Variants in FIGN observed in about 807,000 individuals in gnomAD.
FIGN encodes the protein fidgetin, microtubule severing factor.
Under a neutral mutation model 51.3 loss-of-function variants are expected in FIGN, and 11 were observed. The ratio of observed to expected loss-of-function variants is 0.21; its 90% CI spans 0.13 to 0.35. The LOEUF (loss-of-function observed/expected upper bound fraction) is 0.35. Among genes scored for constraint, FIGN ranks in the 10% least tolerant of loss-of-function variants. The pLI is 1.00. For synonymous variants in FIGN, 407 were observed against 363.2 expected, an observed-to-expected ratio of 1.12 and a Z score of -1.37; for missense variants, 857 against 943.6, an observed-to-expected ratio of 0.91 and a Z score of 1.20.
chr2:163,670,753 T>C (rs1683862703), intron 2 of FIGN, among the ~76,000 whole-genome samples: 1 of 152,204 alleles, frequency 6.6e-6, no homozygotes, highest in African/African-American at 2.4e-5. Flanking sequence ...ATATTTATTT[T>C]GTAATGAATG....
intron 2 of FIGN, among the ~76,000 whole-genome samples, chr2:163,652,504 T>G (rs1034152522): frequency 8.5e-5 from 13 of 152,104 alleles, no homozygotes; most frequent in African/African-American, 3.1e-4. Flanking sequence ...ATAAACTGAC[T>G]GCTCTGAAGA....
At position 163,606,835 on chromosome 2, in the gene FIGN, C is replaced by A. The variant is rs906097439; in HGVS notation, c.*2717G>T. The A allele has an allele frequency of 1.3e-5, 2 of 152,186 alleles. No homozygotes were observed. The highest frequency in any genetic ancestry group is 2.9e-5 in the Non-Finnish European group (2 of 68,034). 9.4% of individuals were successfully genotyped at this position (152,186 alleles called of 1,614,324 possible). On this transcript the variant is annotated 3_prime_UTR_variant, in exon 3 of 3. Coordinates refer to ENST00000333129, the MANE Select transcript of FIGN (RefSeq NM_018086.4). The stretch of plus-strand genomic sequence containing the variant: ...GAGGCTAAATGAAAATCACATACGA[C>A]TTCAGCTTCTGTCTAAATACATGGA...
chr2:163,615,026 A>G (rs1682848057), intron 2 of FIGN, among the ~76,000 whole-genome samples: 2 of 152,132 alleles, frequency 1.3e-5, no homozygotes, highest in African/African-American at 2.4e-5. Flanking sequence ...TAAATTTCGT[A>G]AGATTTCTTT....
chr2:163,629,549 A>T (rs1164233859), intron 2 of FIGN, among the ~76,000 whole-genome samples: 5 of 152,064 alleles, frequency 3.3e-5, no homozygotes, highest in Non-Finnish European at 5.9e-5. Flanking sequence ...TATGGGGGAA[A>T]ATCTGATCAT....
chr2:163,666,382 A>T (rs1429182299), intron 2 of FIGN, among the ~76,000 whole-genome samples: 1 of 152,190 alleles, frequency 6.6e-6, no homozygotes, highest in African/African-American at 2.4e-5. Context: ...TGTCTCCTCC[A>T]ACTGTCCAAA....
At chr2:163,708,067 C>CA (rs1559028279) in intron 2 of FIGN, among the ~76,000 whole-genome samples, 2 of 151,662 alleles carry the variant, frequency 1.3e-5, no homozygotes, top group South Asian at 2.1e-4. Context: ...TGGGAATTCT[C>CA]AAAAAAAATT....
chr2:163,611,916 A>AC, intron 2 of FIGN, 110 bp from the exon 3 acceptor site: 2 of 527,674 alleles, frequency 3.8e-6, no homozygotes, highest in Non-Finnish European at 5.7e-6. Context: ...AATGATATGC[A>AC]TACTTTAAAA....
chr2:163,653,823 T>TA (rs1405892140), intron 2 of FIGN, among the ~76,000 whole-genome samples: 3 of 152,088 alleles, frequency 2.0e-5, no homozygotes, highest in African/African-American at 7.2e-5. Context: ...GGACTTTTTT[T>TA]AAAAAACTTT....
chr2:163,670,143 C>T (rs1318229353), intron 2 of FIGN, among the ~76,000 whole-genome samples: 2 of 152,100 alleles, frequency 1.3e-5, no homozygotes, highest in African/African-American at 4.8e-5. Context: ...GGGTACATCA[C>T]AATAACTATA....
chr2:163,712,335 T>G (rs1257895633), intron 2 of FIGN, among the ~76,000 whole-genome samples: 1 of 152,202 alleles, frequency 6.6e-6, no homozygotes, highest in Non-Finnish European at 1.5e-5. Flanking sequence ...TATGTTTCTT[T>G]TAATCTATTT....
intron 2 of FIGN, among the ~76,000 whole-genome samples, chr2:163,644,278 A>G (rs897029241): frequency 1.3e-5 from 2 of 152,192 alleles, no homozygotes; most frequent in South Asian, 4.1e-4. Flanking sequence ...ATTAATTTGA[A>G]TAGACATTTC....
At chr2:163,724,497 C>T (rs1684809248) in intron 2 of FIGN, among the ~76,000 whole-genome samples, 1 of 148,584 alleles carries the variant, frequency 6.7e-6, no homozygotes, top group Non-Finnish European at 1.5e-5. Flanking sequence ...AGGGCTTAGG[C>T]AAAAGTTTTT....
intron 2 of FIGN, among the ~76,000 whole-genome samples, chr2:163,718,669 T>G (rs1236272209): frequency 2.0e-5 from 3 of 152,218 alleles, no homozygotes; most frequent in Non-Finnish European, 2.9e-5. Context: ...ATGAACTGTA[T>G]GGGTCCTTTG....
chr2:163,610,195 G>A lies in FIGN; in HGVS notation c.1637C>T (p.Thr546Ile), dbSNP rs1232360210. Reference sequence around the variant, plus strand: ...TCCAGAACCGGCAATTTTGAAAAATGTGGCCCCCAGCTGACTAGCGATGCA... The same window carrying A: ...TCCAGAACCGGCAATTTTGAAAAATATGGCCCCCAGCTGACTAGCGATGCA... ...GRCIASQLGA[T>I]FFKIAGSGLV... Residue 546 changes from threonine to isoleucine, a missense_variant, in exon 3 of 3, where the codon ACA becomes ATA. Transcript: ENST00000333129. 1.2e-6 allele frequency: 2 copies of A among 1,614,122 alleles called. No individual in the cohort carries two copies. The highest frequency in any genetic ancestry group is 1.1e-5 in the South Asian group (1 of 91,076).
chr2:163,714,773 TCTTA>T (rs1684643349), intron 2 of FIGN, among the ~76,000 whole-genome samples: 1 of 152,226 alleles, frequency 6.6e-6, no homozygotes, highest in Non-Finnish European at 1.5e-5. Context: ...TGAAAATTAA[TCTTA>T]TACCCATTAA....
At chr2:163,725,151 A>T (rs1395499363) in intron 2 of FIGN, among the ~76,000 whole-genome samples, 1 of 152,178 alleles carries the variant, frequency 6.6e-6, no homozygotes, top group African/African-American at 2.4e-5. Flanking sequence ...TAATTAATTC[A>T]AACTACTTCT....
intron 2 of FIGN, among the ~76,000 whole-genome samples, chr2:163,662,983 T>C (rs1317820919): frequency 6.6e-6 from 1 of 152,210 alleles, no homozygotes; most frequent in Non-Finnish European, 1.5e-5. Context: ...GAACTGTAAG[T>C]CCAATTAAAC....
In FIGN at chr2:163,735,038, G is replaced by C. The variant is rs1684993499; in HGVS notation, c.-111C>G. On this transcript the variant is annotated 5_prime_UTR_variant, in exon 2 of 3. Coordinates refer to ENST00000333129, the MANE Select transcript of FIGN (RefSeq NM_018086.4). ...CTCAGCTATCAAATGTCACTGCCTT[G>C]AAACGTGGGCCCTTTCGTCAGGTAT... is the stretch of plus-strand genomic sequence containing the variant. The C allele has an allele frequency of 1.9e-6, 2 of 1,079,300 alleles. No individual in the cohort carries two copies. The highest frequency in any genetic ancestry group is 3.2e-5 in the African/African-American group (2 of 63,098). 66.9% of individuals were successfully genotyped at this position (1,079,300 alleles called of 1,614,324 possible).
At position 163,611,454 on chromosome 2, in the gene FIGN, A is replaced by T. The variant is rs1414265460; in HGVS notation, c.378T>A (p.Asp126Glu). 2 of 1,614,074 alleles carry T rather than the reference A, an allele frequency of 1.2e-6. No homozygotes were observed. Among genetic ancestry groups the T allele is most frequent in the Admixed American group, 3.3e-5 (2 of 60,006 alleles). Residue 126 changes from aspartate to glutamate, a missense_variant, in exon 3 of 3, where the codon GAT becomes GAA. By Grantham distance (45) the Asp-to-Glu change is conservative. Transcript: ENST00000333129. ...EAVYPMNCVP[D>E]VITASKAGVS... ...CTCCAGCTTTGCTGGCAGTGATAAC[A>T]TCCGGAACACAGTTCATGGGATAAA...
Sources: allele counts gnomAD v4.1 joint callset (sites outside exome capture counted in the v4.1 genomes callset), GRCh38; gene constraint gnomAD v4.1.1; transcripts MANE v1.5; gene names NCBI Gene and HGNC (gene_info 2026-07-23, HGNC 2026-07-21).